ANKFN1: variants seen among roughly 807,000 people sequenced by gnomAD.
ANKFN1 encodes the protein ankyrin repeat and fibronectin type-III domain-containing protein 1.
In ANKFN1, 74 loss-of-function variants were observed where a neutral mutation model predicts 108.7. That is an observed-to-expected ratio of 0.68 (90% CI 0.56 to 0.83). ANKFN1 has a LOEUF of 0.83. Ranked by LOEUF, ANKFN1 falls within the 40% of genes least tolerant of loss-of-function variation. The pLI is 0.00. For missense variants in ANKFN1, 1,505 were observed against 1,382.3 expected (o/e 1.09, Z -1.41); for synonymous variants, 547 against 516.2 (o/e 1.06, Z -0.81).
chr17:56,448,864 G>A (rs2049383585), intron 10 of ANKFN1, among the ~76,000 whole-genome samples: 2 of 152,084 alleles, frequency 1.3e-5, no homozygotes, highest in East Asian at 3.9e-4. Context: ...AAGACTGCCC[G>A]ACACAAGAAA....
At chr17:56,325,845 T>A (rs1308381728) in intron 3 of ANKFN1, among the ~76,000 whole-genome samples, 3 of 152,206 alleles carry the variant, frequency 2.0e-5, no homozygotes, top group Non-Finnish European at 4.4e-5. Context: ...ACAATATTTC[T>A]TTCCCTGCCG....
intron 8 of ANKFN1, among the ~76,000 whole-genome samples, chr17:56,387,489 ATT>A (rs2047309558): frequency 2.6e-5 from 4 of 152,192 alleles, no homozygotes; most frequent in African/African-American, 7.2e-5. Flanking sequence ...GTCTAATTTT[ATT>A]ATGCACATAT....
chr17:56,354,315 T>C (rs2046320714), intron 6 of ANKFN1, among the ~76,000 whole-genome samples: 1 of 152,216 alleles, frequency 6.6e-6, no homozygotes, highest in Admixed American at 6.5e-5. Flanking sequence ...CTTTAAAATA[T>C]GTGAGATACT....
intron 4 of ANKFN1, among the ~76,000 whole-genome samples, chr17:56,138,772 A>T (rs1046049498): frequency 6.6e-6 from 1 of 152,056 alleles, no homozygotes; most frequent in Admixed American, 6.6e-5. Context: ...TGGCCTCCCA[A>T]AGTGCTAGGA....
intron 1 of ANKFN1, among the ~76,000 whole-genome samples, chr17:56,197,410 G>A (rs1913621441): frequency 1.3e-5 from 2 of 152,144 alleles, no homozygotes; most frequent in South Asian, 2.1e-4. Context: ...CTTGTATGTG[G>A]GAATAATAAA....
chr17:56,354,182 T>TG, intron 6 of ANKFN1, 136 bp downstream of exon 6: 1 of 791,568 alleles, frequency 1.3e-6, no homozygotes, highest in East Asian at 2.7e-5. Flanking sequence ...GATGTTTTCA[T>TG]GGGCTTTCAT....
At chr17:56,423,205 C>G (rs1365866076) in intron 8 of ANKFN1, among the ~76,000 whole-genome samples, 1 of 152,180 alleles carries the variant, frequency 6.6e-6, no homozygotes, top group African/African-American at 2.4e-5. Flanking sequence ...CCAAATATTA[C>G]AGACCAAAGG....
chr17:56,133,649 C>T (rs1256158462), intron 4 of ANKFN1, among the ~76,000 whole-genome samples: 1 of 151,710 alleles, frequency 6.6e-6, no homozygotes, highest in Non-Finnish European at 1.5e-5. Flanking sequence ...CTCTACATTT[C>T]CATGTCATAT....
At chr17:56,177,251 C>A (rs111654537) in intron 1 of ANKFN1, among the ~76,000 whole-genome samples, 1 of 152,220 alleles carries the variant, frequency 6.6e-6, no homozygotes, top group African/African-American at 2.4e-5. Context: ...GCTACATGAT[C>A]TTGCCAAGCT....
chr17:56,306,651 C>T (rs1417408305), intron 3 of ANKFN1, among the ~76,000 whole-genome samples: 2 of 152,124 alleles, frequency 1.3e-5, no homozygotes, highest in African/African-American at 4.8e-5. Flanking sequence ...GGCCATACTG[C>T]CCAAGGTAAT....
intron 5 of ANKFN1, among the ~76,000 whole-genome samples, chr17:56,352,744 C>G (rs1332161328): frequency 6.6e-6 from 1 of 152,212 alleles, no homozygotes; most frequent in Non-Finnish European, 1.5e-5. Context: ...AACACTACCA[C>G]TTGGACTCCT....
Position 56,515,010 on chromosome 17 carries a change from C to T in ANKFN1, c.*3741C>T, listed in dbSNP as rs1325890653. Among the ~76,000 whole-genome samples, 1 of 152,066 alleles carries T rather than the reference C, an allele frequency of 6.6e-6. No homozygotes were observed. The highest frequency in any genetic ancestry group is 1.5e-5 in the Non-Finnish European group (1 of 68,018). On this transcript the variant is annotated 3_prime_UTR_variant, in exon 21 of 21. Coordinates refer to ENST00000682825, the MANE Select transcript of ANKFN1 (RefSeq NM_001370326.1). ...TCCCAGAAAATACCTGCTTGGCCTCCTCTGGTTCTTCATCCTGCAACCAAG... is the reference window on the plus strand; with the variant it reads ...TCCCAGAAAATACCTGCTTGGCCTCTTCTGGTTCTTCATCCTGCAACCAAG...
rs574534063 is a variant in ANKFN1 at position 56,155,328 on chromosome 17, C to T, written c.-71+1798C>T. Among the ~76,000 whole-genome samples the T allele has an allele frequency of 4.6e-5, 7 of 152,320 alleles. No homozygotes were observed. The East Asian group carries it at 1.2e-3, about 25-fold the overall frequency. On this transcript the variant is annotated intron_variant, in intron 1 of 20. Transcript: ENST00000682825. ...TGTCATTTGTTCTGATATAGGCAAG[C>T]AAGCTACCTTTCTTCCATGAGACAA...
intron 3 of ANKFN1, among the ~76,000 whole-genome samples, chr17:56,317,421 C>T (rs2045240385): frequency 1.3e-5 from 2 of 152,140 alleles, no homozygotes; most frequent in South Asian, 4.1e-4. Context: ...TTGCTGGACT[C>T]CCGCTTATTT....
chr17:56,096,592 T>G (rs1484561715), intron 4 of ANKFN1, among the ~76,000 whole-genome samples: 1 of 152,134 alleles, frequency 6.6e-6, no homozygotes, highest in Non-Finnish European at 1.5e-5. Context: ...ATCAGAGAAA[T>G]GCAAATCAAA....
chr17:56,080,400 A>G (rs1258944127), intron 4 of ANKFN1, among the ~76,000 whole-genome samples: 1 of 152,240 alleles, frequency 6.6e-6, no homozygotes, highest in South Asian at 2.1e-4. Flanking sequence ...GGGAATTATT[A>G]AAGAAATTAT....
intron 3 of ANKFN1, among the ~76,000 whole-genome samples, chr17:56,306,020 A>G (rs897972263): frequency 2.6e-5 from 4 of 152,142 alleles, no homozygotes; most frequent in Admixed American, 1.3e-4. Flanking sequence ...CTATATGTCT[A>G]TCTCTCTGCC....
At chr17:56,090,945 C>T (rs1033429061) in intron 4 of ANKFN1, among the ~76,000 whole-genome samples, 4 of 151,036 alleles carry the variant, frequency 2.6e-5, no homozygotes, top group African/African-American at 9.7e-5. Flanking sequence ...ATACCAATAC[C>T]AACGTGGTGT....
At chr17:56,382,920 T>G (rs1252943151) in intron 8 of ANKFN1, among the ~76,000 whole-genome samples, 1 of 152,128 alleles carries the variant, frequency 6.6e-6, no homozygotes, top group African/African-American at 2.4e-5. Context: ...GAAAGATCAA[T>G]GAGACAGGAA....
Sources: allele counts gnomAD v4.1 joint callset (sites outside exome capture counted in the v4.1 genomes callset), GRCh38; gene constraint gnomAD v4.1.1; transcripts MANE v1.5; gene names NCBI Gene and HGNC (gene_info 2026-07-23, HGNC 2026-07-21).